PARD3B: variants seen among roughly 807,000 people sequenced by gnomAD.
The protein encoded by PARD3B is partitioning defective 3 homolog B.
PARD3B carries 103 observed loss-of-function variants against 130.2 expected under a neutral mutation model. The observed-to-expected ratio is 0.79, with a 90% CI of 0.67 to 0.93. The LOEUF (loss-of-function observed/expected upper bound fraction) is 0.93. PARD3B is among the 40% of genes least tolerant of loss of function. The pLI is 0.00. For missense variants in PARD3B, 1,609 were observed against 1,499.2 expected (o/e 1.07, Z -1.21); for synonymous variants, 583 against 553.2 (o/e 1.05, Z -0.76).
intron 21 of PARD3B, among the ~76,000 whole-genome samples, chr2:205,522,904 T>G (rs1260824305): frequency 6.6e-6 from 1 of 152,108 alleles, no homozygotes; most frequent in African/African-American, 2.4e-5. Flanking sequence ...TCTTATTAAT[T>G]ATATTGTTTT....
chr2:205,302,231 G>A (rs2042036559), intron 18 of PARD3B, among the ~76,000 whole-genome samples: 3 of 151,812 alleles, frequency 2.0e-5, no homozygotes, highest in Non-Finnish European at 4.4e-5. Context: ...ACAACGCCCA[G>A]CTCATTTTTG....
chr2:204,617,366 C>A (rs369724831), intron 1 of PARD3B, among the ~76,000 whole-genome samples: 2 of 152,118 alleles, frequency 1.3e-5, no homozygotes, highest in African/African-American at 4.8e-5. Context: ...ATTCTTCTTT[C>A]TTCTAGACAT....
intron 2 of PARD3B, among the ~76,000 whole-genome samples, chr2:204,879,953 T>A (rs1406877642): frequency 6.6e-6 from 1 of 152,232 alleles, no homozygotes; most frequent in Non-Finnish European, 1.5e-5. Context: ...TGATGATTAG[T>A]AGAGTTTCAG....
chr2:205,150,244 T>C (rs1283174779), intron 10 of PARD3B, among the ~76,000 whole-genome samples: 22 of 131,382 alleles, frequency 1.7e-4, no homozygotes, highest in Admixed American at 1.6e-3. Flanking sequence ...TGTGTGTGTG[T>C]GTGTGTGTGC....
chr2:205,145,139 T>A (rs2033257246), intron 10 of PARD3B, among the ~76,000 whole-genome samples: 1 of 152,160 alleles, frequency 6.6e-6, no homozygotes, highest in Non-Finnish European at 1.5e-5. Flanking sequence ...AAGAGAGTTA[T>A]TGTACCCTAA....
At chr2:204,901,544 C>T (rs554571665) in intron 2 of PARD3B, among the ~76,000 whole-genome samples, 20 of 152,002 alleles carry the variant, frequency 1.3e-4, no homozygotes, top group African/African-American at 4.6e-4. Flanking sequence ...AGTGCCAAGG[C>T]CTGGAATCAG....
At position 205,301,559 on chromosome 2, in the gene PARD3B, A is replaced by T; in HGVS notation, c.2488A>T (p.Lys830Ter). 1 of 1,614,128 alleles carries T rather than the reference A, an allele frequency of 6.2e-7. No individual in the cohort carries two copies. The highest frequency in any genetic ancestry group is 8.5e-7 in the Non-Finnish European group (1 of 1,180,030). The part of the protein sequence containing the change: ...GNSELEDMEN[K>*]ARKVKKTKEK... ...TTCGGAGCTAGAGGACATGGAAAAT[A>T]AAGCCAGGAAAGTCAAAAAAACGAA... The change falls in exon 18 of 23, where the codon AAA becomes TAA. Residue 830 changes from lysine (K) to a stop codon, truncating the protein, a stop_gained. Coordinates refer to ENST00000406610, the MANE Select transcript of PARD3B (RefSeq NM_001302769.2). LOFTEE classifies it high-confidence loss of function. The surrounding 1 kb of genome is among the most constrained non-coding windows in gnomAD (Gnocchi z 5.2).
intron 10 of PARD3B, among the ~76,000 whole-genome samples, chr2:205,137,260 C>T (rs1481337162): frequency 6.6e-6 from 1 of 152,090 alleles, no homozygotes; most frequent in Non-Finnish European, 1.5e-5. Flanking sequence ...AGGTGGGACT[C>T]TGGTCAGGCC....
At chr2:204,853,719 A>G (rs1336196485) in intron 2 of PARD3B, among the ~76,000 whole-genome samples, 3 of 152,246 alleles carry the variant, frequency 2.0e-5, no homozygotes, top group African/African-American at 7.2e-5. Context: ...CTTTGTATGC[A>G]TTTAGCATGT....
At chr2:204,686,983 G>C (rs1322164722) in intron 2 of PARD3B, among the ~76,000 whole-genome samples, 1 of 152,134 alleles carries the variant, frequency 6.6e-6, no homozygotes, top group African/African-American at 2.4e-5. Flanking sequence ...TGGCTAATGT[G>C]TTTTCCAAAA....
intron 2 of PARD3B, among the ~76,000 whole-genome samples, chr2:204,733,291 A>T (rs996289213): frequency 4.6e-5 from 7 of 152,182 alleles, no homozygotes; most frequent in African/African-American, 1.7e-4. Flanking sequence ...CTTAGGGATA[A>T]ATTTGACAAA....
chr2:204,862,523 T>C (rs1180735748), intron 2 of PARD3B, among the ~76,000 whole-genome samples: 1 of 152,226 alleles, frequency 6.6e-6, no homozygotes. Context: ...CTTTTAGTAC[T>C]AGGTTCCTCC....
At chr2:204,842,845 C>T (rs367807307) in intron 2 of PARD3B, among the ~76,000 whole-genome samples, 1 of 152,134 alleles carries the variant, frequency 6.6e-6, no homozygotes, top group African/African-American at 2.4e-5. Context: ...GCTACCTTAG[C>T]TCCTCAAAGC....
intron 15 of PARD3B, among the ~76,000 whole-genome samples, chr2:205,200,778 G>GTC (rs748460301): frequency 6.6e-6 from 1 of 152,206 alleles, no homozygotes; most frequent in Non-Finnish European, 1.5e-5. Flanking sequence ...CCAAATTCAG[G>GTC]TAGAGAGAAT....
At chr2:205,540,331 T>C (rs2052068103) in intron 21 of PARD3B, among the ~76,000 whole-genome samples, 1 of 152,194 alleles carries the variant, frequency 6.6e-6, no homozygotes, top group African/African-American at 2.4e-5. Flanking sequence ...ATTTTACAAT[T>C]ATCATATTTC....
At chr2:205,541,868 A>G (rs1575308126) in intron 21 of PARD3B, among the ~76,000 whole-genome samples, 1 of 151,064 alleles carries the variant, frequency 6.6e-6, no homozygotes, top group African/African-American at 2.4e-5. Flanking sequence ...GGCTGGCCAG[A>G]CACGGTGGCT....
intron 10 of PARD3B, among the ~76,000 whole-genome samples, chr2:205,155,353 T>C (rs2034048426): frequency 6.6e-6 from 1 of 152,204 alleles, no homozygotes; most frequent in Non-Finnish European, 1.5e-5. Context: ...TTCACAGAGC[T>C]ATGCCTGCTC....
Position 204,953,410 on chromosome 2 carries a change from T to TAC in PARD3B, c.223-11732_223-11731dup, listed in dbSNP as rs748325733. On this transcript the variant is annotated intron_variant, in intron 2 of 22. Coordinates refer to ENST00000406610, the MANE Select transcript of PARD3B (RefSeq NM_001302769.2). ...GTGAATTGACATATATATGTTAACA[T>TAC]ACACACACACAGAGAGAGAGAGAGA... Among the ~76,000 whole-genome samples the TAC allele has an allele frequency of 8.6e-3, 991 of 115,800 alleles. 6 individuals are homozygous for TAC. The highest frequency in any genetic ancestry group is 0.018 in the Middle Eastern group (4 of 222). 76.0% of individuals were successfully genotyped at this position (115,800 alleles called of 152,430 possible).
At chr2:205,066,558 T>A (rs2125470490) in intron 4 of PARD3B, among the ~76,000 whole-genome samples, 1 of 152,292 alleles carries the variant, frequency 6.6e-6, no homozygotes, top group South Asian at 2.1e-4. Flanking sequence ...TGTGTGGTCT[T>A]GGAGAAGTTA....
Sources: gnomAD v4.1 joint callset for allele counts (sites outside exome capture counted in the v4.1 genomes callset) on GRCh38, gnomAD v4.1.1 for gene constraint, Gnocchi (gnomAD v3.1) non-coding constraint, MANE v1.5 for transcripts, NCBI Gene and HGNC (gene_info 2026-07-23, HGNC 2026-07-21) for gene names.